The following SCML4 variants were observed in gnomAD, a reference collection of about 807,000 sequenced individuals.
The protein encoded by SCML4 is Scm polycomb group protein like 4.
Under a neutral mutation model 41.1 loss-of-function variants are expected in SCML4, and 34 were observed. The ratio of observed to expected loss-of-function variants is 0.83; its 90% CI spans 0.63 to 1.10. The LOEUF is 1.10. Among genes scored for constraint, SCML4 ranks in the 50% least tolerant of loss-of-function variants. SCML4 has a pLI of 0.00. For missense variants in SCML4, 522 were observed against 534.1 expected, an observed-to-expected ratio of 0.98 and a Z score of 0.22; for synonymous variants, 214 against 220.9, an observed-to-expected ratio of 0.97 and a Z score of 0.28.
At chr6:107,839,830 A>T in the SCML4 span, among the ~76,000 whole-genome samples, 1 of 152,116 alleles carries the variant, frequency 6.6e-6, no homozygotes, top group East Asian at 1.9e-4. Flanking sequence ...GGGCTCAAGT[A>T]ATCCTTCTGC....
At chr6:107,828,539 G>A (rs1378906252), upstream of SCML4, among the ~76,000 whole-genome samples, 18 of 152,160 alleles carry the variant, frequency 1.2e-4, no homozygotes, top group Non-Finnish European at 1.5e-5. Context: ...TAGAGCTTTG[G>A]ATATCAATTT....
chr6:107,788,781 C>T (rs4945790), intron 1 of SCML4, among the ~76,000 whole-genome samples: 102,506 of 151,946 alleles, frequency 0.67, 34,741 homozygotes, highest in East Asian at 0.8. Flanking sequence ...CACTACACAC[C>T]GGTTTATTCT....
chr6:107,821,673 T>C (rs6568506), intron 1 of SCML4, among the ~76,000 whole-genome samples: 40,110 of 152,090 alleles, frequency 0.26, 7,373 homozygotes, highest in African/African-American at 0.53. Flanking sequence ...TGAGGGGTAG[T>C]GTCACCTGCC....
intron 2 of SCML4, among the ~76,000 whole-genome samples, chr6:107,751,626 CTTTCTTTCTTTCT>C (rs1778673169): frequency 2.7e-5 from 4 of 145,726 alleles, no homozygotes; most frequent in African/African-American, 1.0e-4. Context: ...TTCTTTCTTT[CTTTCTTTCTTTCT>C]TTCTTTCTTT....
chr6:107,772,676 T>C (rs1447592289), intron 1 of SCML4, among the ~76,000 whole-genome samples: 1 of 152,194 alleles, frequency 6.6e-6, no homozygotes, highest in African/African-American at 2.4e-5. Flanking sequence ...ACACAGCTGA[T>C]AATGTCACCA....
intron 6 of SCML4, among the ~76,000 whole-genome samples, chr6:107,710,137 A>ATTCCTCCCACTCACTCCACAAACATTGAT (rs374670602): frequency 0.056 from 3,791 of 67,638 alleles, 1,322 homozygotes; most frequent in Admixed American, 0.085. Flanking sequence ...TTTCCTAAGG[A>ATTCCTCCCACTCACTCCACAAACATTGAT]TGAGAGCTAA....
At chr6:107,738,962 C>T (rs1777336236) in intron 5 of SCML4, among the ~76,000 whole-genome samples, 1 of 152,172 alleles carries the variant, frequency 6.6e-6, no homozygotes, top group Non-Finnish European at 1.5e-5. Flanking sequence ...TTATCACCTA[C>T]CTTCCAAGCA....
chr6:107,831,411 C>CCAAAAAA, the SCML4 span, among the ~76,000 whole-genome samples: 12 of 107,490 alleles, frequency 1.1e-4, 4 homozygotes, highest in Non-Finnish European at 1.1e-4. Context: ...TTTTCATTCT[C>CCAAAAAA]AAAAAAAAAA....
chr6:107,825,936 CAAAA>C (rs71015515), upstream of SCML4, among the ~76,000 whole-genome samples: 2 of 62,654 alleles, frequency 3.2e-5, no homozygotes, highest in Non-Finnish European at 2.7e-5. Context: ...GACTCCATCT[CAAAA>C]AAAAAAAAAA....
chr6:107,798,827 A>G (rs917190603), intron 1 of SCML4, among the ~76,000 whole-genome samples: 2 of 152,018 alleles, frequency 1.3e-5, no homozygotes, highest in Non-Finnish European at 2.9e-5. Flanking sequence ...AATATTTTCT[A>G]ATTTTCCTGG....
intron 6 of SCML4, among the ~76,000 whole-genome samples, chr6:107,713,376 C>T (rs1035153478): frequency 6.6e-6 from 1 of 152,142 alleles, no homozygotes. Context: ...ATCTCTAAGC[C>T]CCTGCCAGCC....
intron 5 of SCML4, among the ~76,000 whole-genome samples, chr6:107,730,358 A>C (rs1776419182): frequency 6.6e-6 from 1 of 152,164 alleles, no homozygotes; most frequent in South Asian, 2.1e-4. Flanking sequence ...TCCTGTGTCC[A>C]TACAAAATCG....
At position 107,720,956 on chromosome 6, in the gene SCML4, A is replaced by G. The variant is rs1378717477; in HGVS notation, c.720T>C (p.Pro240=). 4 of 1,613,286 alleles carry G rather than the reference A, an allele frequency of 2.5e-6. No individual in the cohort carries two copies. Among genetic ancestry groups the G allele is most frequent in the East Asian group, 4.5e-5 (2 of 44,856 alleles). The stretch of plus-strand genomic sequence containing the variant: ...CCACGCTGTAGCGGTTCATGCCCAC[A>G]GGGTTCACCAGGTACTCTTCGGTGG... The part of the protein sequence containing the change: ...TVTTEEYLVN[P]VGMNRYSVDT... Residue 240 remains proline, a synonymous_variant, in exon 6 of 8, where the codon CCT becomes CCC. Coordinates refer to ENST00000369020, the MANE Select transcript of SCML4 (RefSeq NM_198081.5).
chr6:107,762,515 G>A (rs779699407), intron 2 of SCML4, among the ~76,000 whole-genome samples: 5 of 152,180 alleles, frequency 3.3e-5, no homozygotes, highest in Non-Finnish European at 5.9e-5. Context: ...GACCTTATTT[G>A]AAAATACAGT....
intron 2 of SCML4, among the ~76,000 whole-genome samples, chr6:107,767,239 A>T (rs1780134278): frequency 6.6e-6 from 1 of 152,112 alleles, no homozygotes; most frequent in African/African-American, 2.4e-5. Flanking sequence ...TACAGACTTG[A>T]GCCACCACAC....
the SCML4 span, among the ~76,000 whole-genome samples, chr6:107,838,616 G>A: frequency 7.9e-5 from 12 of 152,162 alleles, no homozygotes; most frequent in Non-Finnish European, 1.2e-4. Context: ...GATATTCCAC[G>A]ATATGCAATG....
At chr6:107,715,096 T>A (rs1353319547) in intron 6 of SCML4, among the ~76,000 whole-genome samples, 1 of 149,470 alleles carries the variant, frequency 6.7e-6, no homozygotes, top group African/African-American at 2.5e-5. Flanking sequence ...AGCCTCAGCC[T>A]CCCGAGTAGC....
intron 1 of SCML4, among the ~76,000 whole-genome samples, chr6:107,790,851 C>T (rs144559203): frequency 1.2e-3 from 183 of 152,188 alleles, no homozygotes; most frequent in African/African-American, 3.9e-3. Context: ...GGACGGATCA[C>T]GGGAGGTCAG....
intron 2 of SCML4, chr6:107,755,722 G>A: frequency 3.8e-6 from 3 of 783,494 alleles, no homozygotes; most frequent in Non-Finnish European, 5.3e-6. Context: ...ATAAAACACA[G>A]TTCTGATATA....
Sources: allele counts gnomAD v4.1 joint callset (sites outside exome capture counted in the v4.1 genomes callset), GRCh38; gene constraint gnomAD v4.1.1; transcripts MANE v1.5; gene names NCBI Gene and HGNC (gene_info 2026-07-23, HGNC 2026-07-21).